Variants in MTHFSD observed in about 807,000 individuals in gnomAD.
MTHFSD encodes the protein methenyltetrahydrofolate synthase domain-containing protein.
MTHFSD carries 37 observed loss-of-function variants against 31.1 expected under a neutral mutation model. The ratio of observed to expected loss-of-function variants is 1.19; its 90% CI spans 0.91 to 1.56. The LOEUF (loss-of-function observed/expected upper bound fraction) is 1.56. MTHFSD is among the 40% of genes most tolerant of loss of function. The probability of loss-of-function intolerance (pLI) is 0.00; values close to 1 mark genes in which losing one functional copy is unlikely to be tolerated. For missense variants in MTHFSD, 664 were observed against 510.1 expected, an observed-to-expected ratio of 1.30 and a Z score of -2.91; for synonymous variants, 221 against 206.9, an observed-to-expected ratio of 1.07 and a Z score of -0.59.
intron 7 of MTHFSD, among the ~76,000 whole-genome samples, chr16:86,534,584 T>A (rs1282183376): frequency 6.6e-6 from 1 of 152,226 alleles, no homozygotes; most frequent in Non-Finnish European, 1.5e-5. Context: ...GCTTTTGTGT[T>A]TTTTTTGAAA....
intron 1 of MTHFSD, 139 bp downstream of exon 1, chr16:86,555,030 A>AC: frequency 8.3e-6 from 12 of 1,442,182 alleles, no homozygotes; most frequent in African/African-American, 1.4e-5. Context: ...CCCAGCACAG[A>AC]CCCCCTCTGA....
intron 7 of MTHFSD, chr16:86,535,428 G>T: frequency 1.0e-6 from 1 of 985,444 alleles, no homozygotes; most frequent in South Asian, 4.7e-5. Context: ...AGCCAGCAGG[G>T]TGTCTGGACG....
At chr16:86,533,808 G>A (rs1970301821) in intron 7 of MTHFSD, 2 of 152,208 alleles carry the variant, frequency 1.3e-5, no homozygotes, top group Admixed American at 6.5e-5. Context: ...ATAAATTAGA[G>A]TAACAGTTAA....
intron 2 of MTHFSD, 164 bp from the exon 3 acceptor site, chr16:86,552,310 G>T (rs1398251398): frequency 1.9e-6 from 3 of 1,539,392 alleles, no homozygotes; most frequent in Non-Finnish European, 2.6e-6. Context: ...CAATGCAATC[G>T]CACGTTACTG....
chr16:86,547,102 A>T (rs2143752914), intron 4 of MTHFSD: 1 of 924,864 alleles, frequency 1.1e-6, no homozygotes, highest in Non-Finnish European at 1.3e-6. Flanking sequence ...TTGGAATTAA[A>T]TAACAAAACG....
chr16:86,550,990 C>T (rs1360713057), intron 3 of MTHFSD, among the ~76,000 whole-genome samples: 1 of 152,206 alleles, frequency 6.6e-6, no homozygotes, highest in Admixed American at 6.5e-5. Flanking sequence ...AGCGTTAAGG[C>T]AGAATGACAA....
At chr16:86,543,642 C>T (rs926763938) in intron 5 of MTHFSD, among the ~76,000 whole-genome samples, 2 of 152,144 alleles carry the variant, frequency 1.3e-5, no homozygotes, top group Non-Finnish European at 2.9e-5. Flanking sequence ...CAGCAAGGCA[C>T]GGAGCTCTGT....
In MTHFSD at chr16:86,532,414, C is replaced by A; in HGVS notation, c.749G>T (p.Gly250Val). The change falls in exon 8 of 8, where the codon GGG becomes GTG. Residue 250 changes from glycine (G) to valine (V), a missense_variant. Gly to Val is a moderately radical substitution (Grantham distance 109). Transcript: ENST00000360900. ...CTCACCCTGGAGGGTGACATCCTTCCCAGCCTGCTGCTCTCGGGCGCGGAG... is the reference window on the plus strand; with the variant it reads ...CTCACCCTGGAGGGTGACATCCTTCACAGCCTGCTGCTCTCGGGCGCGGAG... The part of the protein sequence containing the change: ...RSLRAREQQA[G>V]KDVTLQGEHQ... The A allele has an allele frequency of 6.7e-7, 1 of 1,501,048 alleles. No individual in the cohort carries two copies. Among genetic ancestry groups the A allele is most frequent in the East Asian group, 2.5e-5 (1 of 40,226 alleles). The allele number at this position is 1,501,048 out of a possible 1,614,324, so 93.0% of individuals were successfully genotyped here. A position where few individuals can be genotyped will look rare whatever the true frequency, so the allele number is the denominator to read the frequency against.
rs910396457 is a variant in MTHFSD at position 86,546,598 on chromosome 16, C to A, written c.403G>T (p.Asp135Tyr). ...GCGACGGATCCCACCACAACTAAAT[C>A]CACGAGGACTCTGGAGTCCAAGCCT... ...PIGLDSRVLV[D>Y]LVVVGSVAVS... is the part of the protein sequence containing the mutation. The change falls in exon 5 of 8, where the codon GAT becomes TAT. Residue 135 changes from aspartate to tyrosine, a missense_variant. Transcript: ENST00000360900. The A allele has an allele frequency of 1.2e-6, 2 of 1,614,026 alleles. No individual in the cohort carries two copies. The highest frequency in any genetic ancestry group is 1.7e-6 in the Non-Finnish European group (2 of 1,180,030).
In MTHFSD at chr16:86,548,477, C is replaced by CATTTTCTCAA; in HGVS notation, c.328_337dup (p.Cys113PhefsTer37). ...TCTGGTACTTACCTGAGAGGTGGCA[C>CATTTTCTCAA]ATTTTCTCAAGATGTCTTTAGTTGC... On this transcript the variant is annotated frameshift_variant, in exon 4 of 8. Coordinates refer to ENST00000360900, the MANE Select transcript of MTHFSD (RefSeq NM_001159377.2). LOFTEE classifies it high-confidence loss of function. The CATTTTCTCAA allele has an allele frequency of 6.2e-7, 1 of 1,613,646 alleles. No homozygotes were observed.
rs1245819146 is a variant in MTHFSD at position 86,530,297 on chromosome 16, G to A, written c.*1714C>T. 1 of 152,194 alleles carries A rather than the reference G, an allele frequency of 6.6e-6. No individual in the cohort carries two copies. The highest frequency in any genetic ancestry group is 1.9e-4 in the East Asian group (1 of 5,190). 9.4% of individuals were successfully genotyped at this position (152,194 alleles called of 1,614,324 possible). ...AGATTATCTGTATATCCATATACCT[G>A]GATTATTCTGGCTAAAGCGACAGGA... On this transcript the variant is annotated 3_prime_UTR_variant, in exon 8 of 8. Coordinates refer to ENST00000360900, the MANE Select transcript of MTHFSD (RefSeq NM_001159377.2).
At chr16:86,548,739 A>T (rs1451825992) in intron 3 of MTHFSD, among the ~76,000 whole-genome samples, 162 bp from the exon 4 acceptor site, 1 of 152,208 alleles carries the variant, frequency 6.6e-6, no homozygotes, top group African/African-American at 2.4e-5. Context: ...ACCTAATTAA[A>T]TAATGTGTGG....
chr16:86,534,403 T>G (rs1423384250), intron 7 of MTHFSD, among the ~76,000 whole-genome samples: 2 of 152,166 alleles, frequency 1.3e-5, no homozygotes, highest in Non-Finnish European at 2.9e-5. Flanking sequence ...TCAAAACAGA[T>G]TTCTGCCGCA....
intron 3 of MTHFSD, among the ~76,000 whole-genome samples, chr16:86,551,629 C>T (rs1261675504): frequency 6.6e-6 from 1 of 152,218 alleles, no homozygotes; most frequent in Admixed American, 6.5e-5. Flanking sequence ...CGTCTGTCAT[C>T]CAGAAGCAAA....
intron 7 of MTHFSD, chr16:86,541,418 C>A: frequency 3.4e-6 from 2 of 590,192 alleles, no homozygotes; most frequent in Non-Finnish European, 5.6e-6. Flanking sequence ...AGTAAAGCTT[C>A]AAGGCATTCA....
chr16:86,541,347 G>A, intron 7 of MTHFSD: 2 of 754,550 alleles, frequency 2.7e-6, no homozygotes, highest in South Asian at 1.8e-5. Flanking sequence ...ATAACACCAG[G>A]CAGAGCTTGC....
intron 7 of MTHFSD, chr16:86,541,282 G>T: frequency 7.4e-6 from 8 of 1,087,384 alleles, no homozygotes; most frequent in Non-Finnish European, 9.5e-6. Context: ...TGAAGATCCA[G>T]ATCGTCAGTA....
chr16:86,533,847 G>C (rs1221178260), intron 7 of MTHFSD: 1 of 152,230 alleles, frequency 6.6e-6, no homozygotes, highest in Non-Finnish European at 1.5e-5. Flanking sequence ...GAACAGCCAA[G>C]TGCATTCCTG....
intron 2 of MTHFSD, chr16:86,553,517 GC>G (rs1454845562): frequency 2.0e-5 from 3 of 152,554 alleles, no homozygotes; most frequent in Non-Finnish European, 2.9e-5. Context: ...CGCACTCACA[GC>G]GGCTGGCCCT....
Sources: allele counts gnomAD v4.1 joint callset (sites outside exome capture counted in the v4.1 genomes callset), GRCh38; gene constraint gnomAD v4.1.1; transcripts MANE v1.5; gene names NCBI Gene and HGNC (gene_info 2026-07-23, HGNC 2026-07-21).